The following ZNF254 variants were observed in gnomAD, a reference collection of about 807,000 sequenced individuals.
ZNF254 encodes CTD-2017D11.1.
In ZNF254, 10 loss-of-function variants were observed where a neutral mutation model predicts 12.4. The observed-to-expected ratio is 0.80, with a 90% CI of 0.50 to 1.36. ZNF254 has a LOEUF of 1.36. Ranked by LOEUF, ZNF254 falls within the 40% of genes most tolerant of loss-of-function variation. The pLI is 0.00. For synonymous variants in ZNF254, 305 were observed against 253.4 expected, an observed-to-expected ratio of 1.20 and a Z score of -1.93; for missense variants, 996 against 763.9, an observed-to-expected ratio of 1.30 and a Z score of -3.58.
At chr19:24,062,287 A>G (rs1436512064) in intron 2 of ZNF254, among the ~76,000 whole-genome samples, 1 of 152,134 alleles carries the variant, frequency 6.6e-6, no homozygotes, top group East Asian at 1.9e-4. Context: ...TAGGATTGTC[A>G]TCCTCACACA....
chr19:24,101,320 C>T (rs777065474), intron 1 of ZNF254, among the ~76,000 whole-genome samples: 1 of 152,182 alleles, frequency 6.6e-6, no homozygotes, highest in Non-Finnish European at 1.5e-5. Flanking sequence ...CAGGGTCCTA[C>T]TTTAGATTGA....
chr19:24,085,424 A>ATATATATATATATATATATATATATATT (rs1971996026), upstream of ZNF254, among the ~76,000 whole-genome samples: 1 of 135,176 alleles, frequency 7.4e-6, no homozygotes, highest in African/African-American at 2.7e-5. Context: ...ATATATATAT[A>ATATATATATATATATATATATATATATT]TAAAAACTAA....
At chr19:24,080,557 T>G (rs574963155) in intron 2 of ZNF254, 1 of 152,128 alleles carries the variant, frequency 6.6e-6, no homozygotes, top group South Asian at 2.1e-4. Context: ...TTTCACCAGG[T>G]GCGGTGGCTC....
intron 2 of ZNF254, among the ~76,000 whole-genome samples, chr19:24,060,320 G>T (rs1443174498): frequency 6.6e-6 from 1 of 152,142 alleles, no homozygotes; most frequent in East Asian, 1.9e-4. Flanking sequence ...GATGTTACTT[G>T]CCTCTTCTTC....
At chr19:24,106,410 T>A (rs1973342744) in intron 2 of ZNF254, 138 bp from the exon 3 acceptor site, 1 of 637,606 alleles carries the variant, frequency 1.6e-6, no homozygotes, top group Non-Finnish European at 2.3e-6. Context: ...CCTAAATATT[T>A]AAAAATTTCT....
chr19:24,047,246 C>T (rs1385716028), intron 2 of ZNF254, among the ~76,000 whole-genome samples: 1 of 151,524 alleles, frequency 6.6e-6, no homozygotes, highest in African/African-American at 2.4e-5. Context: ...TTCTCTCTTC[C>T]TTTTTTTTGT....
chr19:24,126,277 G>T lies in ZNF254; in HGVS notation c.277G>T (p.Asp93Tyr). Reference sequence around the variant, plus strand: ...AGGTATGTGTCCTCATTTTGCTCAAGACCTTTGGCCAGAGCAGGGCATGGA... The same window carrying T: ...AGGTATGTGTCCTCATTTTGCTCAATACCTTTGGCCAGAGCAGGGCATGGA... Reference protein sequence around the residue: ...PPGMCPHFAQDLWPEQGMEDS... With the variant: ...PPGMCPHFAQYLWPEQGMEDS... The change falls in exon 4 of 4, where the codon GAC (aspartate) becomes TAC (tyrosine). Residue 93 changes from aspartate to tyrosine, a missense_variant. Transcript: ENST00000357002. The T allele has an allele frequency of 6.7e-7, 1 of 1,498,198 alleles. No homozygotes were observed. The highest frequency in any genetic ancestry group is 8.9e-7 in the Non-Finnish European group (1 of 1,126,192). 92.8% of individuals were successfully genotyped at this position (1,498,198 alleles called of 1,614,324 possible). A position where few individuals can be genotyped will look rare whatever the true frequency, so the allele number is the denominator to read the frequency against.
At chr19:24,067,433 A>G (rs1366400695) in intron 2 of ZNF254, among the ~76,000 whole-genome samples, 2 of 151,258 alleles carry the variant, frequency 1.3e-5, no homozygotes, top group Admixed American at 6.6e-5. Context: ...ACAGTAGGAA[A>G]TTTGACATAT....
At chr19:24,102,622 T>C (rs1013332428) in intron 1 of ZNF254, among the ~76,000 whole-genome samples, 4 of 152,102 alleles carry the variant, frequency 2.6e-5, no homozygotes, top group African/African-American at 9.7e-5. Flanking sequence ...CTTTTTAGAG[T>C]TGGTGCTCAC....
intron 2 of ZNF254, among the ~76,000 whole-genome samples, chr19:24,055,744 A>G (rs963519663): frequency 2.0e-5 from 3 of 152,210 alleles, no homozygotes; most frequent in African/African-American, 7.2e-5. Context: ...GGTGACACTC[A>G]GAGCAAGATT....
chr19:24,105,750 C>A, intron 1 of ZNF254, 190 bp from the exon 2 acceptor site: 1 of 895,408 alleles, frequency 1.1e-6, no homozygotes, highest in Non-Finnish European at 1.5e-6. Context: ...GGATATTTTG[C>A]CACTCTATTT....
chr19:24,034,488 G>GTTTTTTTTTTT lies in ZNF254; in HGVS notation c.-190+879_-190+889dup, dbSNP rs963358053. On this transcript the variant is annotated intron_variant, in intron 1 of 4. Coordinates refer to the ZNF254 transcript ENST00000613065. ...GACAAATTTAGATTTAGGTAAGTGGGTTTTTTTTTTTTTTTTTTTTTTCTT... is the reference window on the plus strand; with the variant it reads ...GACAAATTTAGATTTAGGTAAGTGGGTTTTTTTTTTTTTTTTTTTTTTTTTTTTTTTTTCTT... Among the ~76,000 whole-genome samples the GTTTTTTTTTTT allele has an allele frequency of 5.4e-4, 58 of 107,352 alleles. 1 individual carries two copies. Among genetic ancestry groups the GTTTTTTTTTTT allele is most frequent in the African/African-American group, 1.1e-3 (31 of 28,276 alleles). The allele number at this position is 107,352 out of a possible 152,430, so 70.4% of individuals were successfully genotyped here. A position where few individuals can be genotyped will look rare whatever the true frequency, so the allele number is the denominator to read the frequency against.
chr19:24,119,971 T>G (rs910549125), intron 3 of ZNF254, among the ~76,000 whole-genome samples: 4 of 152,080 alleles, frequency 2.6e-5, no homozygotes, highest in African/African-American at 9.7e-5. Context: ...AATATTATCT[T>G]CATAATCCTC....
At chr19:24,061,394 G>C (rs1353016327) in intron 2 of ZNF254, among the ~76,000 whole-genome samples, 2 of 152,182 alleles carry the variant, frequency 1.3e-5, no homozygotes, top group Non-Finnish European at 2.9e-5. Context: ...GTCCACAGGG[G>C]TTCTTGTGAC....
chr19:24,074,857 C>G (rs1428365858), intron 2 of ZNF254, among the ~76,000 whole-genome samples: 1 of 152,222 alleles, frequency 6.6e-6, no homozygotes, highest in Non-Finnish European at 1.5e-5. Context: ...TGTGACATAT[C>G]TCTGAGCCTC....
intron 3 of ZNF254, among the ~76,000 whole-genome samples, chr19:24,118,042 T>C (rs1974221641): frequency 6.6e-6 from 1 of 151,640 alleles, no homozygotes; most frequent in Non-Finnish European, 1.5e-5. Flanking sequence ...CACATGGGTT[T>C]CTTTTTTTTC....
chr19:24,106,191 T>C, intron 2 of ZNF254, 125 bp downstream of exon 2: 1 of 1,284,438 alleles, frequency 7.8e-7, no homozygotes, highest in East Asian at 2.9e-5. Context: ...ATTTGTCTGT[T>C]GAGAAAGGAA....
intron 2 of ZNF254, among the ~76,000 whole-genome samples, chr19:24,071,205 C>G (rs1479461095): frequency 6.6e-6 from 1 of 152,124 alleles, no homozygotes; most frequent in Non-Finnish European, 1.5e-5. Context: ...TGTAACATAT[C>G]TGGGCCAAGC....
intron 1 of ZNF254, among the ~76,000 whole-genome samples, chr19:24,091,324 A>G (rs1972370438): frequency 6.6e-6 from 1 of 152,136 alleles, no homozygotes; most frequent in Non-Finnish European, 1.5e-5. Flanking sequence ...AGAAAAAAAA[A>G]AAAAAATCTC....
Sources: allele counts gnomAD v4.1 joint callset (sites outside exome capture counted in the v4.1 genomes callset), GRCh38; gene constraint gnomAD v4.1.1; transcripts MANE v1.5; gene names NCBI Gene and HGNC (gene_info 2026-07-23, HGNC 2026-07-21).